The following DMXL2 variants were observed in gnomAD, a reference collection of about 807,000 sequenced individuals.
DMXL2 encodes Dmx like 2, also known as dmX-like protein 2.
DMXL2 carries 103 observed loss-of-function variants against 331.1 expected under a neutral mutation model. The observed-to-expected ratio is 0.31, with a 90% CI of 0.27 to 0.37. The LOEUF is 0.37. Among genes scored for constraint, DMXL2 ranks in the 10% least tolerant of loss-of-function variants. The pLI, the probability that DMXL2 is intolerant of heterozygous loss-of-function variation, is 1.00. For synonymous variants in DMXL2, 1,281 were observed against 1,252.1 expected (o/e 1.02, Z -0.49); for missense variants, 3,171 against 3,642.9 (o/e 0.87, Z 3.33).
rs549221993 is a variant in DMXL2 at position 51,465,078 on chromosome 15, G to A, written c.7607-202C>T. Among the ~76,000 whole-genome samples the A allele has an allele frequency of 2.6e-5, 4 of 152,240 alleles. No individual in the cohort carries two copies. The South Asian group carries it at 8.3e-4, about 32-fold the overall frequency. On this transcript the variant is annotated intron_variant, in intron 31 of 43. Coordinates refer to ENST00000560891, the MANE Select transcript of DMXL2 (RefSeq NM_001378457.1). ...GCTCTTTCTCAATCTTCTGTGTAGA[G>A]AGTGATTCTTGATATAAACTAAAGT...
At chr15:51,555,927 G>A (rs2049535024) in intron 6 of DMXL2, among the ~76,000 whole-genome samples, 1 of 152,172 alleles carries the variant, frequency 6.6e-6, no homozygotes, top group African/African-American at 2.4e-5. Context: ...CTTCACAAAA[G>A]AGAGCTTTCC....
At position 51,504,713 on chromosome 15, in the gene DMXL2, A is replaced by G. The variant is rs192476551; in HGVS notation, c.2765-1680T>C. 1.8e-4 allele frequency among the ~76,000 whole-genome samples: 28 copies of G among 152,356 alleles called. 1 individual carries two copies. The highest frequency in any genetic ancestry group is 3.5e-4 in the Non-Finnish European group (24 of 68,034). ...TTTTCACATTTTTTTGTAAAATGAA[A>G]TAAGACTACAAACTTGGATCCGTAG... On this transcript the variant is annotated intron_variant, in intron 16 of 43. Coordinates refer to ENST00000560891, the MANE Select transcript of DMXL2 (RefSeq NM_001378457.1).
At chr15:51,579,617 C>T (rs1001969660) in intron 1 of DMXL2, among the ~76,000 whole-genome samples, 1 of 152,132 alleles carries the variant, frequency 6.6e-6, no homozygotes, top group Non-Finnish European at 1.5e-5. Flanking sequence ...TCTTCCTAAC[C>T]GAATGTCTGG....
Position 51,622,681 on chromosome 15 carries a change from CG to C in DMXL2, c.-137del, listed in dbSNP as rs1309189153. The C allele has an allele frequency of 5.6e-6, 8 of 1,417,916 alleles. No individual in the cohort carries two copies. The highest frequency in any genetic ancestry group is 6.5e-6 in the Non-Finnish European group (7 of 1,080,208). The allele number at this position is 1,417,916 out of a possible 1,614,324, so 87.8% of individuals were successfully genotyped here. A position where few individuals can be genotyped will look rare whatever the true frequency, so the allele number is the denominator to read the frequency against. On this transcript the variant is annotated 5_prime_UTR_variant, in exon 1 of 44. It removes the in-frame stop codon of an upstream open reading frame in the 5' UTR. Transcript: ENST00000560891. ...CCGCGGAGGCTCTGGCTTAACTCCT[CG>C]CCCCCCTTTCGCCTTCCCTCCGCCT... is the stretch of plus-strand genomic sequence containing the variant.
rs912444518 is a variant in DMXL2, at chr15:51,447,980, A to T, written c.*1004T>A. The T allele has an allele frequency of 9.2e-5, 14 of 152,666 alleles. No homozygotes were observed. The highest frequency in any genetic ancestry group is 3.4e-4 in the African/African-American group (14 of 41,460). 9.5% of individuals were successfully genotyped at this position (152,666 alleles called of 1,614,324 possible). On this transcript the variant is annotated 3_prime_UTR_variant, in exon 44 of 44. Coordinates refer to ENST00000560891, the MANE Select transcript of DMXL2 (RefSeq NM_001378457.1). ...CACAGACATTAGTTTCAGTATCTCA[A>T]CATATTTTTGGTCATAACCAAGGAA...
chr15:51,454,825 A>G (rs932053998), intron 40 of DMXL2, among the ~76,000 whole-genome samples: 1 of 152,146 alleles, frequency 6.6e-6, no homozygotes, highest in Admixed American at 6.5e-5. Flanking sequence ...GAATTTTATC[A>G]TGTGTATATT....
chr15:51,589,913 T>TG (rs2052162741), intron 1 of DMXL2, among the ~76,000 whole-genome samples: 1 of 152,220 alleles, frequency 6.6e-6, no homozygotes, highest in African/African-American at 2.4e-5. Context: ...TATTAAGATG[T>TG]TTATTGCACC....
chr15:51,561,770 T>C (rs1009834229), intron 6 of DMXL2, among the ~76,000 whole-genome samples: 2 of 152,180 alleles, frequency 1.3e-5, no homozygotes, highest in East Asian at 3.8e-4. Flanking sequence ...AGCCTAGATA[T>C]AGAATCAACC....
At chr15:51,541,016 T>C (rs975355926) in intron 9 of DMXL2, among the ~76,000 whole-genome samples, 1 of 152,214 alleles carries the variant, frequency 6.6e-6, no homozygotes, top group Non-Finnish European at 1.5e-5. Flanking sequence ...TATCACGAAT[T>C]GCATTTTGTT....
In DMXL2 at chr15:51,456,212, A is replaced by C; in HGVS notation, c.8399-19T>G. 3 of 1,605,240 alleles carry C rather than the reference A, an allele frequency of 1.9e-6. No homozygotes were observed. Among genetic ancestry groups the C allele is most frequent in the Non-Finnish European group, 2.5e-6 (3 of 1,176,760 alleles). ...GTAAGATCTGAAACACAAGAGAAAA[A>C]GCAGGAAATAAGAAATTAAAGAGTT... On this transcript the variant is annotated intron_variant, in intron 38 of 43. Transcript: ENST00000560891.
At chr15:51,502,035 C>G (rs1447386013) in intron 17 of DMXL2, among the ~76,000 whole-genome samples, 1 of 151,240 alleles carries the variant, frequency 6.6e-6, no homozygotes, top group East Asian at 2.0e-4. Flanking sequence ...TCGAGACCAT[C>G]CTGGCTAACA....
chr15:51,534,249 A>T (rs1267154252), intron 13 of DMXL2, among the ~76,000 whole-genome samples: 1 of 152,168 alleles, frequency 6.6e-6, no homozygotes, highest in Non-Finnish European at 1.5e-5. Context: ...GACAAACTGA[A>T]AACTGCTCAG....
At chr15:51,467,484 C>T (rs1163496659) in intron 29 of DMXL2, among the ~76,000 whole-genome samples, 1 of 151,894 alleles carries the variant, frequency 6.6e-6, no homozygotes, top group Non-Finnish European at 1.5e-5. Context: ...ACAGTCAATA[C>T]CTCAAACTGG....
intron 27 of DMXL2, 31 bp downstream of exon 27, chr15:51,476,558 A>ATT: frequency 1.0e-5 from 12 of 1,201,052 alleles, no homozygotes; most frequent in Admixed American, 6.7e-5. Flanking sequence ...CAACTAGAAG[A>ATT]TTTTTTTTTT....
At chr15:51,502,405 C>T (rs1431718026) in intron 17 of DMXL2, among the ~76,000 whole-genome samples, 1 of 151,480 alleles carries the variant, frequency 6.6e-6, no homozygotes, top group Non-Finnish European at 1.5e-5. Flanking sequence ...TCACTGCCGC[C>T]TCCACCTCTC....
intron 16 of DMXL2, 116 bp from the exon 17 acceptor site, chr15:51,503,149 G>A: frequency 1.3e-6 from 1 of 764,184 alleles, no homozygotes; most frequent in Non-Finnish European, 2.1e-6. Context: ...TATTTTGGAG[G>A]TGAGGATATA....
At chr15:51,495,450 A>G (rs1478164264) in intron 18 of DMXL2, among the ~76,000 whole-genome samples, 1 of 152,196 alleles carries the variant, frequency 6.6e-6, no homozygotes, top group Admixed American at 6.5e-5. Flanking sequence ...TAACTATGGT[A>G]AGTTAGGTAC....
intron 23 of DMXL2, among the ~76,000 whole-genome samples, chr15:51,482,106 T>A (rs1281893999): frequency 6.6e-6 from 1 of 152,136 alleles, no homozygotes; most frequent in African/African-American, 2.4e-5. Context: ...TACATAATTT[T>A]AAAATAAAAC....
At chr15:51,572,499 C>T (rs1226174037) in intron 2 of DMXL2, among the ~76,000 whole-genome samples, 1 of 152,136 alleles carries the variant, frequency 6.6e-6, no homozygotes, top group Non-Finnish European at 1.5e-5. Context: ...AAATTTTACA[C>T]CAATATGGCT....
Sources: gnomAD v4.1 joint callset for allele counts (sites outside exome capture counted in the v4.1 genomes callset) on GRCh38, gnomAD v4.1.1 for gene constraint, MANE v1.5 for transcripts, NCBI Gene and HGNC (gene_info 2026-07-23, HGNC 2026-07-21) for gene names.